CPNE4: variants seen among roughly 807,000 people sequenced by gnomAD.
CPNE4 encodes the protein copine-4.
Under a neutral mutation model 67.9 loss-of-function variants are expected in CPNE4, and 25 were observed. The ratio of observed to expected loss-of-function variants is 0.37; its 90% CI spans 0.27 to 0.51. The LOEUF (loss-of-function observed/expected upper bound fraction) is 0.51, where lower values mean the gene tolerates loss of function less well. CPNE4 is among the 20% of genes least tolerant of loss of function. The pLI, the probability that CPNE4 is intolerant of heterozygous loss-of-function variation, is 0.93. For synonymous variants in CPNE4, 242 were observed against 244.9 expected, an observed-to-expected ratio of 0.99 and a Z score of 0.11; for missense variants, 464 against 690.8, an observed-to-expected ratio of 0.67 and a Z score of 3.68.
chr3:131,535,020 G>T lies in CPNE4; in HGVS notation c.*175C>A, dbSNP rs530909381. On this transcript the variant is annotated 3_prime_UTR_variant, in exon 16 of 16. Transcript: ENST00000429747. The stretch of plus-strand genomic sequence containing the variant: ...CAATACAAGGGCTTAACAGATCCAG[G>T]CCTCAGGGCTACACATGCAAAAAAA... 2.0e-6 allele frequency: 1 copy of T among 500,204 alleles called. No individual in the cohort carries two copies. Among genetic ancestry groups the T allele is most frequent in the Non-Finnish European group, 3.4e-6 (1 of 296,150 alleles). 31.0% of individuals were successfully genotyped at this position (500,204 alleles called of 1,614,324 possible).
At chr3:131,627,258 T>G (rs2079102668) in intron 7 of CPNE4, among the ~76,000 whole-genome samples, 1 of 152,016 alleles carries the variant, frequency 6.6e-6, no homozygotes, top group African/African-American at 2.4e-5. Context: ...TCTACCTGTG[T>G]GCTATAAATG....
intron 13 of CPNE4, among the ~76,000 whole-genome samples, chr3:131,551,332 T>C (rs1310980332): frequency 6.6e-6 from 1 of 152,136 alleles, no homozygotes; most frequent in African/African-American, 2.4e-5. Context: ...TGATGCTGAA[T>C]AGAAGCTCCT....
At chr3:132,024,705 C>T (rs1178002046) in intron 1 of CPNE4, among the ~76,000 whole-genome samples, 6 of 152,160 alleles carry the variant, frequency 3.9e-5, no homozygotes, top group African/African-American at 1.4e-4. Flanking sequence ...CAGCACATTA[C>T]ATGATACATG....
intron 2 of CPNE4, among the ~76,000 whole-genome samples, chr3:131,875,400 T>C (rs1229222042): frequency 1.3e-5 from 2 of 152,174 alleles, no homozygotes; most frequent in Non-Finnish European, 2.9e-5. Flanking sequence ...ATTGTGGCAC[T>C]GTTCACAATA....
chr3:131,646,255 C>T (rs2079661370), intron 7 of CPNE4, among the ~76,000 whole-genome samples: 1 of 152,060 alleles, frequency 6.6e-6, no homozygotes, highest in South Asian at 2.1e-4. Context: ...TTTTTTTCTT[C>T]CTCTTCTGTA....
At chr3:131,575,015 C>A in intron 10 of CPNE4, 56 bp downstream of exon 10, 1 of 1,453,436 alleles carries the variant, frequency 6.9e-7, no homozygotes, top group Non-Finnish European at 9.7e-7. Context: ...CCAGTGCCAC[C>A]CCTCATCTCT....
rs1182737215 is a variant in CPNE4 at position 131,820,341 on chromosome 3, G to A, written c.180+84923C>T. Among the ~76,000 whole-genome samples, 3 of 152,204 alleles carry A rather than the reference G, an allele frequency of 2.0e-5. No individual in the cohort carries two copies. In the East Asian group the frequency reaches 5.8e-4, roughly 29 times the overall value. ...GTTCTGGAGCTATCATGGCCTGACA[G>A]AGCTGTCTGACAGTGGGCTGAAATG... On this transcript the variant is annotated intron_variant, in intron 2 of 15. Coordinates refer to ENST00000429747, the MANE Select transcript of CPNE4 (RefSeq NM_130808.3).
chr3:131,709,270 C>A (rs76452296), intron 3 of CPNE4, among the ~76,000 whole-genome samples: 12,144 of 151,898 alleles, frequency 0.08, 655 homozygotes, highest in Non-Finnish European at 0.11. Context: ...AATGGAGGGA[C>A]GGAAAATTCT....
chr3:131,890,479 C>T (rs773873951), intron 2 of CPNE4, among the ~76,000 whole-genome samples: 9 of 151,258 alleles, frequency 6.0e-5, no homozygotes, highest in Non-Finnish European at 1.3e-4. Context: ...AATTAGAACC[C>T]TTATACACTG....
chr3:131,617,556 T>C (rs1409322107), intron 7 of CPNE4, among the ~76,000 whole-genome samples: 1 of 152,202 alleles, frequency 6.6e-6, no homozygotes, highest in Admixed American at 6.5e-5. Context: ...TTGAAAACAA[T>C]GTGTAGACTA....
At chr3:131,841,257 G>C (rs750049) in intron 2 of CPNE4, among the ~76,000 whole-genome samples, 30,982 of 152,126 alleles carry the variant, frequency 0.2, 3,890 homozygotes, top group Non-Finnish European at 0.27. Flanking sequence ...ACTGTCATGA[G>C]GCAAATAGAT....
At chr3:131,733,333 T>C (rs1384123696) in intron 2 of CPNE4, among the ~76,000 whole-genome samples, 1 of 152,202 alleles carries the variant, frequency 6.6e-6, no homozygotes, top group Non-Finnish European at 1.5e-5. Flanking sequence ...CTGTTGAGTG[T>C]CCAGCACAGT....
Position 131,552,511 on chromosome 3 carries a change from T to TA in CPNE4, c.1117-21dup. ...AGAGACCTAGACACCGATTAAAATT[T>TA]AAAAAACAGGAAGAAAGAAGAATTA... On this transcript the variant is annotated intron_variant, in intron 12 of 15. Transcript: ENST00000429747. The TA allele has an allele frequency of 2.5e-6, 4 of 1,604,666 alleles. No homozygotes were observed. Among genetic ancestry groups the TA allele is most frequent in the Non-Finnish European group, 3.4e-6 (4 of 1,172,672 alleles).
chr3:131,602,668 T>C (rs1218295162), intron 7 of CPNE4, among the ~76,000 whole-genome samples: 1 of 152,132 alleles, frequency 6.6e-6, no homozygotes, highest in East Asian at 1.9e-4. Context: ...GAAACTCCCA[T>C]GGTTGTGTGG....
intron 1 of CPNE4, among the ~76,000 whole-genome samples, chr3:131,963,342 GT>G (rs879924457): frequency 1.7e-4 from 25 of 147,826 alleles, no homozygotes; most frequent in East Asian, 5.9e-4. Flanking sequence ...GCTAGCTGCA[GT>G]TTTTTTTTTT....
chr3:132,033,598 T>G (rs1337595330), intron 1 of CPNE4, among the ~76,000 whole-genome samples: 1 of 152,194 alleles, frequency 6.6e-6, no homozygotes, highest in East Asian at 1.9e-4. Context: ...CGCCTGTGAC[T>G]TTCCCTGGAG....
chr3:131,569,850 ATTATC>A (rs1324765813), intron 10 of CPNE4, among the ~76,000 whole-genome samples: 1 of 151,926 alleles, frequency 6.6e-6, no homozygotes, highest in Non-Finnish European at 1.5e-5. Context: ...AGAAAGCAAT[ATTATC>A]TTCAATTTTT....
At chr3:131,569,662 AC>A (rs1559914245) in intron 10 of CPNE4, among the ~76,000 whole-genome samples, 7 of 142,602 alleles carry the variant, frequency 4.9e-5, no homozygotes, top group South Asian at 4.3e-4. Context: ...ACAAAAAAAA[AC>A]AAAAAAAAAA....
intron 1 of CPNE4, among the ~76,000 whole-genome samples, chr3:131,913,899 T>C (rs906052159): frequency 3.9e-5 from 6 of 152,238 alleles, no homozygotes; most frequent in Non-Finnish European, 1.5e-5. Flanking sequence ...ATTAAGTGAA[T>C]TAATCCACAT....
Sources: gnomAD v4.1 joint callset for allele counts (sites outside exome capture counted in the v4.1 genomes callset) on GRCh38, gnomAD v4.1.1 for gene constraint, MANE v1.5 for transcripts, NCBI Gene and HGNC (gene_info 2026-07-23, HGNC 2026-07-21) for gene names.